CSMD2: variants seen among roughly 807,000 people sequenced by gnomAD.
CSMD2 encodes CUB and sushi domain-containing protein 2.
A neutral mutation model predicts 398.5 loss-of-function variants in CSMD2; 130 were observed. The observed-to-expected ratio is 0.33, with a 90% CI of 0.28 to 0.38. The LOEUF is 0.38. CSMD2 is among the 10% of genes least tolerant of loss of function. The probability of loss-of-function intolerance (pLI) is 1.00; values close to 1 mark genes in which losing one functional copy is unlikely to be tolerated. For synonymous variants in CSMD2, 1,828 were observed against 1,908.5 expected, an observed-to-expected ratio of 0.96 and a Z score of 1.10; for missense variants, 3,829 against 4,764.9, an observed-to-expected ratio of 0.80 and a Z score of 5.78.
intron 3 of CSMD2, among the ~76,000 whole-genome samples, chr1:34,008,847 C>G (rs1647148136): frequency 6.6e-6 from 1 of 152,180 alleles, no homozygotes; most frequent in South Asian, 2.1e-4. Flanking sequence ...GCTTTGCATA[C>G]AGTGGGTGCA....
chr1:33,588,662 A>G (rs2148756744), intron 44 of CSMD2, among the ~76,000 whole-genome samples: 2 of 152,362 alleles, frequency 1.3e-5, no homozygotes, highest in South Asian at 4.1e-4. Context: ...AAACATCACG[A>G]TCACCCAACA....
rs182979022 is a variant in CSMD2, at chr1:33,888,290, C to T, written c.920+29804G>A. On this transcript the variant is annotated intron_variant, in intron 5 of 70. Transcript: ENST00000373381. ...TCTAAAATTCATCTGGAAAAGTAAA[C>T]GCACAACAATTGTCAACAAATATTT... Among the ~76,000 whole-genome samples, 328 of 152,186 alleles carry T rather than the reference C, an allele frequency of 2.2e-3. 2 individuals carry two copies. The highest frequency in any genetic ancestry group is 7.3e-3 in the African/African-American group (302 of 41,552).
At chr1:33,843,933 T>C (rs1331564140) in intron 6 of CSMD2, among the ~76,000 whole-genome samples, 1 of 152,146 alleles carries the variant, frequency 6.6e-6, no homozygotes, top group African/African-American at 2.4e-5. Flanking sequence ...TCTTCCCTGG[T>C]CCCTTTGCAC....
Position 33,540,535 on chromosome 1 carries a change from A to C in CSMD2, c.9621T>G (p.Pro3207=). 1.9e-6 allele frequency: 3 copies of C among 1,614,166 alleles called. No individual in the cohort carries two copies. The highest frequency in any genetic ancestry group is 1.7e-6 in the Non-Finnish European group (2 of 1,180,012). ...TTGTAAGCAACTTACGGAAACACTGAGGCAGCTCTCCGGTCCAGGACCCAT... is the reference window on the plus strand; with the variant it reads ...TTGTAAGCAACTTACGGAAACACTGCGGCAGCTCTCCGGTCCAGGACCCAT... ...EGNGSWTGEL[P]QCFPVFCGDP... is the part of the protein sequence containing the mutation. Residue 3207 remains proline (P), a synonymous_variant, in exon 60 of 71, where the codon CCT becomes CCG. Coordinates refer to ENST00000373381, the MANE Select transcript of CSMD2 (RefSeq NM_001281956.2).
chr1:34,045,038 T>TACACACAC (rs10588687), intron 2 of CSMD2, among the ~76,000 whole-genome samples: 101 of 142,838 alleles, frequency 7.1e-4, no homozygotes, highest in East Asian at 2.0e-3. Context: ...TCACACACCA[T>TACACACAC]ACACACACAC....
intron 3 of CSMD2, among the ~76,000 whole-genome samples, chr1:33,987,122 A>G (rs1181719646): frequency 6.6e-6 from 1 of 152,098 alleles, no homozygotes; most frequent in Non-Finnish European, 1.5e-5. Flanking sequence ...CCCCCAGTAG[A>G]AGACAGCCTT....
At chr1:33,731,321 T>C (rs1401025344) in intron 15 of CSMD2, among the ~76,000 whole-genome samples, 2 of 152,216 alleles carry the variant, frequency 1.3e-5, no homozygotes, top group East Asian at 3.9e-4. Flanking sequence ...AAATAAATTA[T>C]AGCATGTTAC....
intron 24 of CSMD2, among the ~76,000 whole-genome samples, chr1:33,697,592 C>T (rs1020173580): frequency 5.3e-5 from 8 of 152,212 alleles, no homozygotes; most frequent in East Asian, 3.9e-4. Flanking sequence ...CACCCTTGCA[C>T]GTGCTCAGTC....
rs370997761 is a variant in CSMD2, at chr1:33,993,501, T to G, written c.517+39093A>C. On this transcript the variant is annotated intron_variant, in intron 3 of 70. Coordinates refer to ENST00000373381, the MANE Select transcript of CSMD2 (RefSeq NM_001281956.2). ...CCATCTCAGCCGCCTCTGCCCACTC[T>G]GTGTCTCCTGGGCCCTTCTCTATCA... 3.9e-5 allele frequency among the ~76,000 whole-genome samples: 6 copies of G among 152,224 alleles called. No individual in the cohort carries two copies. The South Asian group carries it at 6.2e-4, about 16-fold the overall frequency.
chr1:33,892,070 A>T (rs1166584473), intron 5 of CSMD2, among the ~76,000 whole-genome samples: 2 of 127,950 alleles, frequency 1.6e-5, no homozygotes, highest in Non-Finnish European at 1.7e-5. Context: ...ATAATAATAA[A>T]AAGAAAACCC....
intron 13 of CSMD2, among the ~76,000 whole-genome samples, chr1:33,746,569 A>T (rs1569682777): frequency 6.6e-6 from 1 of 152,214 alleles, no homozygotes; most frequent in Admixed American, 6.5e-5. Flanking sequence ...GAATTTGAGC[A>T]GCTATATATG....
At chr1:33,983,150 C>A (rs1045678909) in intron 3 of CSMD2, among the ~76,000 whole-genome samples, 2 of 152,100 alleles carry the variant, frequency 1.3e-5, no homozygotes, top group African/African-American at 2.4e-5. Context: ...ATGACAAGGG[C>A]CCTCTGCAGA....
rs560703372 is a variant in CSMD2 at position 33,913,731 on chromosome 1, G to A, written c.920+4363C>T. Among the ~76,000 whole-genome samples, 72 of 152,166 alleles carry A rather than the reference G, an allele frequency of 4.7e-4. No homozygotes were observed. The South Asian group carries it at 0.015, about 31-fold the overall frequency. On this transcript the variant is annotated intron_variant, in intron 5 of 70. Coordinates refer to ENST00000373381, the MANE Select transcript of CSMD2 (RefSeq NM_001281956.2). ...CAGTTCGATGCCATGGTGCAGGCTCGATATCTAATTCCAGAGAAACTGCAC... is the reference window on the plus strand; with the variant it reads ...CAGTTCGATGCCATGGTGCAGGCTCAATATCTAATTCCAGAGAAACTGCAC...
At chr1:33,618,655 A>G (rs1014720130) in intron 37 of CSMD2, among the ~76,000 whole-genome samples, 1 of 151,932 alleles carries the variant, frequency 6.6e-6, no homozygotes, top group Non-Finnish European at 1.5e-5. Context: ...CCTTTCTGCC[A>G]GTCCATACCA....
intron 5 of CSMD2, among the ~76,000 whole-genome samples, chr1:33,904,886 T>A (rs2125245548): frequency 6.6e-6 from 1 of 152,296 alleles, no homozygotes; most frequent in South Asian, 2.1e-4. Context: ...GACCTCATCA[T>A]CTGCCCGCCT....
rs10579079 is a variant in CSMD2, at chr1:33,557,617, G to GACACACACAC, written c.8743+107_8743+116dup. ...CCATAAGGCAACTCATACATGTGCAGACACACACACACACACACACACACA... is the reference window on the plus strand; with the variant it reads ...CCATAAGGCAACTCATACATGTGCAGACACACACACACACACACACACACACACACACACA... On this transcript the variant is annotated intron_variant, in intron 55 of 70. Coordinates refer to ENST00000373381, the MANE Select transcript of CSMD2 (RefSeq NM_001281956.2). 3.0e-3 allele frequency: 1,992 copies of GACACACACAC among 661,006 alleles called. 8 individuals carry two copies. The highest frequency in any genetic ancestry group is 0.011 in the South Asian group (470 of 44,356). 40.9% of individuals were successfully genotyped at this position (661,006 alleles called of 1,614,324 possible).
chr1:33,931,195 T>G (rs938499809), intron 4 of CSMD2, among the ~76,000 whole-genome samples: 1 of 152,224 alleles, frequency 6.6e-6, no homozygotes, highest in African/African-American at 2.4e-5. Flanking sequence ...GGATGAGGTT[T>G]ACCCACTCGC....
intron 47 of CSMD2, among the ~76,000 whole-genome samples, chr1:33,581,526 T>C: frequency 1.6e-5 from 1 of 60,670 alleles, no homozygotes; most frequent in Non-Finnish European, 3.1e-5. Context: ...AAAGACTCAG[T>C]CTCAAAAAAA....
intron 3 of CSMD2, among the ~76,000 whole-genome samples, chr1:33,990,235 G>A (rs1406070783): frequency 6.6e-6 from 1 of 152,126 alleles, no homozygotes; most frequent in Non-Finnish European, 1.5e-5. Context: ...TCGTGCCACT[G>A]CACTCCAGCC....
Sources: gnomAD v4.1 joint callset for allele counts (sites outside exome capture counted in the v4.1 genomes callset) on GRCh38, gnomAD v4.1.1 for gene constraint, MANE v1.5 for transcripts, NCBI Gene and HGNC (gene_info 2026-07-23, HGNC 2026-07-21) for gene names.